Variants in C2CD2 observed in about 807,000 individuals in gnomAD.
The protein encoded by C2CD2 is C2 domain-containing protein 2.
Under a neutral mutation model 74.3 loss-of-function variants are expected in C2CD2, and 43 were observed. The observed-to-expected ratio is 0.58, with a 90% CI of 0.45 to 0.75. The LOEUF (loss-of-function observed/expected upper bound fraction) is 0.75, where lower values mean the gene tolerates loss of function less well. C2CD2 is among the 30% of genes least tolerant of loss of function. The pLI, the probability that C2CD2 is intolerant of heterozygous loss-of-function variation, is 0.00. For missense variants in C2CD2, 801 were observed against 916.3 expected, an observed-to-expected ratio of 0.87 and a Z score of 1.63; for synonymous variants, 422 against 390.7, an observed-to-expected ratio of 1.08 and a Z score of -0.94.
chr21:41,925,398 C>T (rs1442567890), intron 2 of C2CD2, among the ~76,000 whole-genome samples: 2 of 152,164 alleles, frequency 1.3e-5, no homozygotes, highest in Non-Finnish European at 2.9e-5. Flanking sequence ...GTGAGAGGAT[C>T]ACTTGAGCCC....
chr21:41,886,061 C>T lies in C2CD2; in HGVS notation c.*3063G>A, dbSNP rs921264867. ...CACACACACTTAAAGCTCCATTTCACTCCTCCACAAAGAACAGAGGCACCT... is the reference window on the plus strand; with the variant it reads ...CACACACACTTAAAGCTCCATTTCATTCCTCCACAAAGAACAGAGGCACCT... On this transcript the variant is annotated 3_prime_UTR_variant, in exon 14 of 14. Coordinates refer to ENST00000380486, the MANE Select transcript of C2CD2 (RefSeq NM_015500.2). 1 of 152,286 alleles carries T rather than the reference C, an allele frequency of 6.6e-6. No homozygotes were observed. Among genetic ancestry groups the T allele is most frequent in the African/African-American group, 2.4e-5 (1 of 41,470 alleles). 9.4% of individuals were successfully genotyped at this position (152,286 alleles called of 1,614,324 possible). A position where few individuals can be genotyped will look rare whatever the true frequency, so the allele number is the denominator to read the frequency against.
chr21:41,889,637 CT>C (rs34432849), intron 13 of C2CD2, among the ~76,000 whole-genome samples: 46,956 of 146,386 alleles, frequency 0.32, 8,492 homozygotes, highest in Non-Finnish European at 0.42. Context: ...AATTTTTTTT[CT>C]TTTTTTTTTT....
At position 41,892,165 on chromosome 21, in the gene C2CD2, C is replaced by T. The variant is rs76204703; in HGVS notation, c.1871-2821G>A. On this transcript the variant is annotated intron_variant, in intron 13 of 13. Transcript: ENST00000380486. The surrounding 1 kb of genome is among the most constrained non-coding windows in gnomAD (Gnocchi z 4.6). ...GGAAATTTAGACACAGAGACAGACA[C>T]GCAAGGGAAGACATTGTGAAGGGTC... Among the ~76,000 whole-genome samples, 2,463 of 152,260 alleles carry T rather than the reference C, an allele frequency of 0.016. 63 individuals carry two copies. Among genetic ancestry groups the T allele is most frequent in the African/African-American group, 0.056 (2,313 of 41,546 alleles).
Position 41,899,448 on chromosome 21 carries a change from T to TTCTG in C2CD2, c.1561-90_1561-87dup. On this transcript the variant is annotated intron_variant, in intron 12 of 13. Transcript: ENST00000380486. The surrounding 1 kb of genome is among the most constrained non-coding windows in gnomAD (Gnocchi z 4.4). ...GAACTGAAAAGCACTCTCCAAAACATTCTGACAGCTGATTTCAAAGTCTCA... is the reference window on the plus strand; with the variant it reads ...GAACTGAAAAGCACTCTCCAAAACATTCTGTCTGACAGCTGATTTCAAAGTCTCA... The TTCTG allele has an allele frequency of 1.6e-6, 2 of 1,236,360 alleles. No individual in the cohort carries two copies. The highest frequency in any genetic ancestry group is 2.8e-5 in the South Asian group (2 of 71,748). The allele number at this position is 1,236,360 out of a possible 1,614,324, so 76.6% of individuals were successfully genotyped here. A position where few individuals can be genotyped will look rare whatever the true frequency, so the allele number is the denominator to read the frequency against.
At position 41,939,961 on chromosome 21, in the gene C2CD2, A is replaced by C. The variant is rs570078472; in HGVS notation, c.378+2186T>G. 2.0e-5 allele frequency among the ~76,000 whole-genome samples: 3 copies of C among 152,324 alleles called. No homozygotes were observed. The highest frequency in any genetic ancestry group is 3.9e-4 in the East Asian group (2 of 5,190). ...AATCGCTGCAGCACTGTCTGTGCGGACTGAGCATCCCGAATCCGAACATCC... is the reference window on the plus strand; with the variant it reads ...AATCGCTGCAGCACTGTCTGTGCGGCCTGAGCATCCCGAATCCGAACATCC... On this transcript the variant is annotated intron_variant, in intron 2 of 13. Transcript: ENST00000380486. This position sits in a 1 kb window ranked among gnomAD's most constrained non-coding sequence, Gnocchi z 5.5.
Position 41,921,918 on chromosome 21 carries a change from C to T in C2CD2, c.492+54G>A, listed in dbSNP as rs1185667423. 3 of 1,103,926 alleles carry T rather than the reference C, an allele frequency of 2.7e-6. No homozygotes were observed. In the African/African-American group the frequency reaches 4.6e-5, roughly 17 times the overall value. The allele number at this position is 1,103,926 out of a possible 1,614,324, so 68.4% of individuals were successfully genotyped here. A position where few individuals can be genotyped will look rare whatever the true frequency, so the allele number is the denominator to read the frequency against. On this transcript the variant is annotated intron_variant, in intron 3 of 13. Coordinates refer to ENST00000380486, the MANE Select transcript of C2CD2 (RefSeq NM_015500.2). Reference sequence around the variant, plus strand: ...TGACTCACACCATGCTCACTCTTCACATTTCTGAGAACTGTGACGGGTCTC... The same window carrying T: ...TGACTCACACCATGCTCACTCTTCATATTTCTGAGAACTGTGACGGGTCTC...
chr21:41,907,247 G>T, intron 9 of C2CD2, 81 bp from the exon 10 acceptor site: 2 of 1,070,976 alleles, frequency 1.9e-6, no homozygotes, highest in Non-Finnish European at 2.9e-6. Context: ...GCCTTCTTGT[G>T]AAATAACCAT....
intron 11 of C2CD2, among the ~76,000 whole-genome samples, chr21:41,902,827 G>A (rs1601556536): frequency 6.6e-6 from 1 of 152,206 alleles, no homozygotes; most frequent in African/African-American, 2.4e-5. Flanking sequence ...CAGAGCCACG[G>A]AGCTGGGGCA....
intron 7 of C2CD2, 198 bp downstream of exon 7, chr21:41,912,134 C>T: frequency 3.8e-6 from 2 of 527,194 alleles, no homozygotes; most frequent in Non-Finnish European, 6.8e-6. Flanking sequence ...GAGGAGAAAA[C>T]TGACTCTAAG....
intron 1 of C2CD2, among the ~76,000 whole-genome samples, chr21:41,949,510 G>A (rs1450749877): frequency 6.6e-6 from 1 of 152,184 alleles, no homozygotes; most frequent in African/African-American, 2.4e-5. Flanking sequence ...GTGGTGCTGG[G>A]TGAAAGAGGA....
intron 8 of C2CD2, 80 bp downstream of exon 8, chr21:41,909,379 C>T: frequency 1.1e-6 from 1 of 937,852 alleles, no homozygotes; most frequent in Non-Finnish European, 1.8e-6. Context: ...GGATCTCCCA[C>T]CGCCCTTTTC....
chr21:41,939,356 C>T lies in C2CD2; in HGVS notation c.378+2791G>A, dbSNP rs1409762136. On this transcript the variant is annotated intron_variant, in intron 2 of 13. Transcript: ENST00000380486. This position sits in a 1 kb window ranked among gnomAD's most constrained non-coding sequence, Gnocchi z 5.5. ...ATGGAGTCTTGCTATTTCCACAGCC[C>T]CGCTTCCTCCACTCCCTGTCCAGAC... is the stretch of plus-strand genomic sequence containing the variant. Among the ~76,000 whole-genome samples, 5 of 152,140 alleles carry T rather than the reference C, an allele frequency of 3.3e-5. No homozygotes were observed. The East Asian group carries it at 5.8e-4, about 18-fold the overall frequency.
chr21:41,915,186 C>T (rs1569069009), intron 5 of C2CD2, among the ~76,000 whole-genome samples: 1 of 152,170 alleles, frequency 6.6e-6, no homozygotes, highest in East Asian at 1.9e-4. Context: ...CACCCATTTC[C>T]CACCTCCACA....
At chr21:41,937,562 T>C (rs2065319206) in intron 2 of C2CD2, among the ~76,000 whole-genome samples, 1 of 152,220 alleles carries the variant, frequency 6.6e-6, no homozygotes, top group South Asian at 2.1e-4. Context: ...AAAAGTTATA[T>C]ACGGATTTTT....
At chr21:41,908,366 T>C (rs571564836) in intron 8 of C2CD2, 6 of 153,302 alleles carry the variant, frequency 3.9e-5, no homozygotes, top group Non-Finnish European at 8.7e-5. Context: ...GTAAAGGTTA[T>C]GTGGCTGTTC....
At chr21:41,918,331 G>C (rs952372398) in intron 4 of C2CD2, 104 bp from the exon 5 acceptor site, 188 of 1,148,412 alleles carry the variant, frequency 1.6e-4, no homozygotes, top group Non-Finnish European at 2.1e-4. Flanking sequence ...AGGAAGGAAG[G>C]AAATTACCTT....
chr21:41,894,906 G>A, intron 13 of C2CD2: 3 of 456,720 alleles, frequency 6.6e-6, no homozygotes, highest in South Asian at 3.1e-5. Flanking sequence ...TTGTCTGCTG[G>A]GCAGTAACCC....
At chr21:41,902,195 A>C (rs1004810) in intron 11 of C2CD2, among the ~76,000 whole-genome samples, 127,690 of 151,936 alleles carry the variant, frequency 0.84, 53,979 homozygotes, top group Non-Finnish European at 0.89. Context: ...CAAACAACAA[A>C]AAAAAAATAT....
At position 41,922,068 on chromosome 21, in the gene C2CD2, C is replaced by G. The variant is rs376932377; in HGVS notation, c.396G>C (p.Val132=). 6.2e-6 allele frequency: 10 copies of G among 1,613,030 alleles called. No homozygotes were observed. Among genetic ancestry groups the G allele is most frequent in the African/African-American group, 5.3e-5 (4 of 74,916 alleles). The change falls in exon 3 of 14, where the codon GTG becomes GTC. Residue 132 remains valine (V), a synonymous_variant. Coordinates refer to ENST00000380486, the MANE Select transcript of C2CD2 (RefSeq NM_015500.2). ...SAEEKVVVCH[V]VGQAIQFLVS... is the part of the protein sequence containing the mutation. ...CCAAGAACTGAATAGCCTGGCCCAC[C>G]ACGTGACAGACCACCACCTGGAGGA...
Sources: allele counts gnomAD v4.1 joint callset (sites outside exome capture counted in the v4.1 genomes callset), GRCh38; gene constraint gnomAD v4.1.1; non-coding constraint Gnocchi (gnomAD v3.1); transcripts MANE v1.5; gene names NCBI Gene and HGNC (gene_info 2026-07-23, HGNC 2026-07-21).